The following SEPTIN11 variants were observed in gnomAD, a reference collection of about 807,000 sequenced individuals.
SEPTIN11 encodes the protein septin-11.
SEPTIN11 carries 25 observed loss-of-function variants against 51.4 expected under a neutral mutation model. That is an observed-to-expected ratio of 0.49 (90% CI 0.35 to 0.68). The LOEUF (loss-of-function observed/expected upper bound fraction) is 0.68, where lower values mean the gene tolerates loss of function less well. Among genes scored for constraint, SEPTIN11 ranks in the 30% least tolerant of loss-of-function variants. The pLI is 0.00. For missense variants in SEPTIN11, 381 were observed against 520.8 expected, an observed-to-expected ratio of 0.73 and a Z score of 2.61; for synonymous variants, 174 against 184.1, an observed-to-expected ratio of 0.95 and a Z score of 0.44.
In SEPTIN11 at chr4:77,036,908, A is replaced by G. The variant is rs966465684; in HGVS notation, c.*2396A>G. The stretch of plus-strand genomic sequence containing the variant: ...AAATTAGAGAAAGCAAATGGGATGG[A>G]TAGATTTTTTTTTTCTTTTCAAGGG... On this transcript the variant is annotated 3_prime_UTR_variant, in exon 10 of 10. Transcript: ENST00000264893. 45 of 1,354,388 alleles carry G rather than the reference A, an allele frequency of 3.3e-5. No individual in the cohort carries two copies. The highest frequency in any genetic ancestry group is 4.2e-5 in the Non-Finnish European group (44 of 1,058,858). 83.9% of individuals were successfully genotyped at this position (1,354,388 alleles called of 1,614,324 possible).
intron 1 of SEPTIN11, 144 bp downstream of exon 1, chr4:76,950,074 G>A: frequency 2.3e-6 from 2 of 862,662 alleles, no homozygotes; most frequent in South Asian, 2.6e-5. Context: ...CACGAATTTG[G>A]GCGCGCGTCT....
chr4:77,036,709 T>G lies in SEPTIN11; in HGVS notation c.*2197T>G. On this transcript the variant is annotated 3_prime_UTR_variant, in exon 10 of 10. Transcript: ENST00000264893. ...TTTTTCTGCCACTGCTCCCTAGCCC[T>G]GTTTAGTTTGTTATTGCTGCTTTTC... 6.5e-7 allele frequency: 1 copy of G among 1,535,564 alleles called. No homozygotes were observed. The highest frequency in any genetic ancestry group is 1.2e-5 in the South Asian group (1 of 84,006).
At chr4:77,020,820 A>C in intron 7 of SEPTIN11, 150 bp downstream of exon 7, 1 of 700,604 alleles carries the variant, frequency 1.4e-6, no homozygotes, top group Non-Finnish European at 2.3e-6. Flanking sequence ...GCATTGTGAT[A>C]ATTGCTTTAT....
chr4:77,011,663 T>C, intron 3 of SEPTIN11, 72 bp from the exon 4 acceptor site: 1 of 1,403,734 alleles, frequency 7.1e-7, no homozygotes, highest in Non-Finnish European at 1.0e-6. Flanking sequence ...GAAGAAGCCA[T>C]TGTGATGTTG....
chr4:76,959,599 A>G (rs947015331), intron 1 of SEPTIN11, among the ~76,000 whole-genome samples: 2 of 152,186 alleles, frequency 1.3e-5, no homozygotes, highest in Admixed American at 6.5e-5. Flanking sequence ...AGTCAATTGC[A>G]TTTTTATATT....
At chr4:77,016,633 C>CATATATATATATACATATAT (rs1725290297) in intron 5 of SEPTIN11, among the ~76,000 whole-genome samples, 1 of 72,746 alleles carries the variant, frequency 1.4e-5, no homozygotes. Context: ...TATATATACA[C>CATATATATATATACATATAT]ATATATATAT....
intron 3 of SEPTIN11, among the ~76,000 whole-genome samples, chr4:77,006,066 C>T (rs1724460040): frequency 6.6e-6 from 1 of 152,124 alleles, no homozygotes; most frequent in Non-Finnish European, 1.5e-5. Flanking sequence ...CATCTTTCCA[C>T]AAAGGCCATG....
At chr4:76,960,771 G>A (rs1452362683) in intron 1 of SEPTIN11, among the ~76,000 whole-genome samples, 1 of 152,144 alleles carries the variant, frequency 6.6e-6, no homozygotes, top group African/African-American at 2.4e-5. Flanking sequence ...CACCATGCAT[G>A]AGTGACAATG....
At chr4:76,985,706 G>T (rs1447889197) in intron 1 of SEPTIN11, among the ~76,000 whole-genome samples, 3 of 152,192 alleles carry the variant, frequency 2.0e-5, no homozygotes, top group East Asian at 3.8e-4. Context: ...GGTGGGCCAG[G>T]CACCAGGGTC....
At chr4:77,038,911 C>T (rs1727215736), downstream of SEPTIN11, among the ~76,000 whole-genome samples, 1 of 152,190 alleles carries the variant, frequency 6.6e-6, no homozygotes, top group Non-Finnish European at 1.5e-5. Context: ...CTGGCCTCCT[C>T]TTCCCTGCTG....
At chr4:76,994,068 C>G (rs1204506477) in intron 1 of SEPTIN11, among the ~76,000 whole-genome samples, 1 of 152,130 alleles carries the variant, frequency 6.6e-6, no homozygotes, top group African/African-American at 2.4e-5. Context: ...CTCCCCTCCC[C>G]CTGAAATTAA....
chr4:77,014,237 G>A (rs1038762395), intron 4 of SEPTIN11, among the ~76,000 whole-genome samples: 5 of 152,142 alleles, frequency 3.3e-5, no homozygotes, highest in African/African-American at 9.7e-5. Context: ...TTTACAGTGG[G>A]CAACACCATT....
rs1440698036 is a variant in SEPTIN11 at position 77,037,007 on chromosome 4, A to AT, written c.*2502dup. The AT allele has an allele frequency of 2.4e-6, 3 of 1,252,440 alleles. No individual in the cohort carries two copies. The highest frequency in any genetic ancestry group is 1.6e-5 in the African/African-American group (1 of 63,892). The allele number at this position is 1,252,440 out of a possible 1,614,324, so 77.6% of individuals were successfully genotyped here. On this transcript the variant is annotated 3_prime_UTR_variant, in exon 10 of 10. Coordinates refer to ENST00000264893, the MANE Select transcript of SEPTIN11 (RefSeq NM_018243.4). ...AATATATTTAAAAGGCCACATTTAT[A>AT]TTTTTTTCACAAGAACCACATAATA... is the stretch of plus-strand genomic sequence containing the variant.
At chr4:76,960,673 C>T (rs1276937242) in intron 1 of SEPTIN11, among the ~76,000 whole-genome samples, 1 of 152,154 alleles carries the variant, frequency 6.6e-6, no homozygotes, top group African/African-American at 2.4e-5. Flanking sequence ...TCTAAATCTC[C>T]TCTTTCTTGA....
chr4:76,956,546 G>A (rs1045096760), intron 1 of SEPTIN11, among the ~76,000 whole-genome samples: 2 of 152,228 alleles, frequency 1.3e-5, no homozygotes, highest in Non-Finnish European at 2.9e-5. Context: ...GCTGCATACT[G>A]CATTGCCTCC....
rs543080325 is a variant in SEPTIN11, at chr4:76,986,137, C to A, written c.28-10288C>A. Among the ~76,000 whole-genome samples, 3 of 152,252 alleles carry A rather than the reference C, an allele frequency of 2.0e-5. 1 individual carries two copies. In the East Asian group the frequency reaches 5.8e-4, roughly 29 times the overall value. On this transcript the variant is annotated intron_variant, in intron 1 of 9. Transcript: ENST00000264893. ...TAGGGGAGGGTTTAAGCTGATTAAA[C>A]AGTGGGCTTTTTTTCTCCTGCAAGA...
At chr4:77,013,295 G>A (rs1163239988) in intron 4 of SEPTIN11, among the ~76,000 whole-genome samples, 3 of 152,236 alleles carry the variant, frequency 2.0e-5, no homozygotes, top group Non-Finnish European at 4.4e-5. Context: ...GAGAGTTGGA[G>A]AGCTAGCTAG....
chr4:76,965,524 T>C (rs1722002666), intron 1 of SEPTIN11, among the ~76,000 whole-genome samples: 1 of 151,434 alleles, frequency 6.6e-6, no homozygotes, highest in South Asian at 2.1e-4. Context: ...TTACTGGTGG[T>C]ATAATATTAT....
Position 77,038,112 on chromosome 4 carries a change from TC to T in SEPTIN11, c.*3601del. 1.0e-6 allele frequency: 1 copy of T among 985,940 alleles called. No homozygotes were observed. The highest frequency in any genetic ancestry group is 1.2e-6 in the Non-Finnish European group (1 of 829,962). The allele number at this position is 985,940 out of a possible 1,614,324, so 61.1% of individuals were successfully genotyped here. ...TGCCATTTGCAAGAGTCTGGAATTG[TC>T]AGGTCTCAGCTTCGAAAAGTCCTGG... is the stretch of plus-strand genomic sequence containing the variant. On this transcript the variant is annotated 3_prime_UTR_variant, in exon 10 of 10. Transcript: ENST00000264893.
Sources: allele counts gnomAD v4.1 joint callset (sites outside exome capture counted in the v4.1 genomes callset), GRCh38; gene constraint gnomAD v4.1.1; transcripts MANE v1.5; gene names NCBI Gene and HGNC (gene_info 2026-07-23, HGNC 2026-07-21).